IL22RA2: variants seen among roughly 807,000 people sequenced by gnomAD.
IL22RA2 encodes the protein interleukin-22 receptor subunit alpha-2.
A neutral mutation model predicts 30.7 loss-of-function variants in IL22RA2; 39 were observed. The ratio of observed to expected loss-of-function variants is 1.27; its 90% confidence interval spans 0.98 to 1.66. IL22RA2 has a LOEUF of 1.66. Among genes scored for constraint, IL22RA2 ranks in the 40% most tolerant of loss-of-function variants. IL22RA2 has a pLI of 0.00. For synonymous variants in IL22RA2, 103 were observed against 105.0 expected, an observed-to-expected ratio of 0.98 and a Z score of 0.11; for missense variants, 315 against 312.7, an observed-to-expected ratio of 1.01 and a Z score of -0.05.
In IL22RA2 at chr6:137,171,625, G is replaced by A. The variant is rs567520007; in HGVS notation, c.-66+1788C>T. 5.9e-5 allele frequency among the ~76,000 whole-genome samples: 9 copies of A among 152,302 alleles called. No individual in the cohort carries two copies. In the South Asian group the frequency reaches 1.5e-3, roughly 25 times the overall value. On this transcript the variant is annotated intron_variant, in intron 1 of 6. Transcript: ENST00000296980. The stretch of plus-strand genomic sequence containing the variant: ...CACCTGTGAACATTTCTAGACACTC[G>A]GGTGCCTGAGACTGTGAGGCCTTGG...
chr6:137,156,941 A>T, intron 3 of IL22RA2, 87 bp from the exon 4 acceptor site: 2 of 1,539,716 alleles, frequency 1.3e-6, no homozygotes, highest in Non-Finnish European at 1.8e-6. Flanking sequence ...CTCTCATAGA[A>T]ACATTTCCAT....
At chr6:137,165,948 C>A (rs945084340) in intron 1 of IL22RA2, among the ~76,000 whole-genome samples, 1 of 152,160 alleles carries the variant, frequency 6.6e-6, no homozygotes, top group African/African-American at 2.4e-5. Context: ...CCCTACCTAA[C>A]CTTGGAGACT....
intron 5 of IL22RA2, among the ~76,000 whole-genome samples, chr6:137,148,380 C>G (rs1778221902): frequency 1.3e-5 from 2 of 152,094 alleles, no homozygotes; most frequent in South Asian, 4.1e-4. Flanking sequence ...CCAGGCTAGT[C>G]TGACTTTTTA....
chr6:137,165,719 C>T (rs1437056223), intron 1 of IL22RA2, among the ~76,000 whole-genome samples: 2 of 152,134 alleles, frequency 1.3e-5, no homozygotes, highest in African/African-American at 4.8e-5. Context: ...GAGATTTCCT[C>T]CAGAAATTGC....
chr6:137,156,950 A>G (rs1778419885), intron 3 of IL22RA2, 96 bp from the exon 4 acceptor site: 1 of 1,516,654 alleles, frequency 6.6e-7, no homozygotes, highest in African/African-American at 1.4e-5. Context: ...AAACATTTCC[A>G]TGACAAATTC....
At chr6:137,164,035 T>C (rs952908956) in intron 1 of IL22RA2, among the ~76,000 whole-genome samples, 1 of 151,934 alleles carries the variant, frequency 6.6e-6, no homozygotes, top group Non-Finnish European at 1.5e-5. Flanking sequence ...CCTCCTGTAA[T>C]AGGACCCAGT....
chr6:137,160,573 C>T (rs140782837), intron 2 of IL22RA2, among the ~76,000 whole-genome samples: 34 of 152,322 alleles, frequency 2.2e-4, no homozygotes, highest in African/African-American at 8.2e-4. Flanking sequence ...TATACTTTAT[C>T]TTCTTCCTTC....
At chr6:137,167,567 C>A (rs958571721) in intron 1 of IL22RA2, among the ~76,000 whole-genome samples, 6 of 152,190 alleles carry the variant, frequency 3.9e-5, no homozygotes, top group African/African-American at 1.4e-4. Context: ...CTGTCTGGGT[C>A]AAACAATGGA....
At chr6:137,149,678 C>T (rs1332957710) in intron 5 of IL22RA2, among the ~76,000 whole-genome samples, 3 of 152,210 alleles carry the variant, frequency 2.0e-5, no homozygotes, top group Non-Finnish European at 4.4e-5. Context: ...ATGATCTTTT[C>T]TATACACAAG....
intron 5 of IL22RA2, 114 bp from the exon 6 acceptor site, chr6:137,148,005 C>A (rs1023322739): frequency 5.4e-6 from 5 of 933,180 alleles, no homozygotes; most frequent in African/African-American, 3.3e-5. Flanking sequence ...CCCAGGGAGG[C>A]CGAGGCTGCA....
In IL22RA2 at chr6:137,144,619, CT is replaced by C. The variant is rs771170443; in HGVS notation, c.*1004del. The C allele has an allele frequency of 2.2e-3, 334 of 152,376 alleles. 1 individual carries two copies. Among genetic ancestry groups the C allele is most frequent in the Non-Finnish European group, 3.2e-3 (217 of 68,080 alleles). 9.4% of individuals were successfully genotyped at this position (152,376 alleles called of 1,614,324 possible). On this transcript the variant is annotated 3_prime_UTR_variant, in exon 7 of 7. Transcript: ENST00000296980. ...CTAGCTCTATAGTCTCTGTAGGCAC[CT>C]ACCAACACCGGTCCTTCTCCTGCTA...
chr6:137,154,669 G>A (rs993404054), intron 5 of IL22RA2, among the ~76,000 whole-genome samples: 1 of 151,812 alleles, frequency 6.6e-6, no homozygotes, highest in Non-Finnish European at 1.5e-5. Context: ...ATGGAGTGGA[G>A]GCTCTGCAGT....
chr6:137,166,670 C>G (rs2114393985), intron 1 of IL22RA2, among the ~76,000 whole-genome samples: 1 of 152,330 alleles, frequency 6.6e-6, no homozygotes, highest in South Asian at 2.1e-4. Context: ...GTGGAAGTTA[C>G]CAGAAAGGAA....
Position 137,147,830 on chromosome 6 carries a change from G to T in IL22RA2, c.534C>A (p.Leu178=). 6.2e-7 allele frequency: 1 copy of T among 1,613,558 alleles called. No homozygotes were observed. The highest frequency in any genetic ancestry group is 8.5e-7 in the Non-Finnish European group (1 of 1,179,670). The change falls in exon 6 of 7, where the codon CTC becomes CTA. Residue 178 remains leucine, a synonymous_variant. Transcript: ENST00000296980. ...TQVNGSLLVI[L]HAPNLPYRYQ... is the part of the protein sequence containing the mutation. ...ATCTATATGGTAAATTTGGAGCATG[G>T]AGAATTACCAACAAAGAGCCATTGA...
At chr6:137,170,234 C>T (rs897208990) in intron 1 of IL22RA2, among the ~76,000 whole-genome samples, 4 of 152,040 alleles carry the variant, frequency 2.6e-5, no homozygotes, top group African/African-American at 9.7e-5. Context: ...ACATTTGTGT[C>T]GAGCACCAAA....
At position 137,155,194 on chromosome 6, in the gene IL22RA2, A is replaced by C. The variant is rs1266327780; in HGVS notation, c.294-75T>G. On this transcript the variant is annotated intron_variant, in intron 4 of 6. Coordinates refer to ENST00000296980, the MANE Select transcript of IL22RA2 (RefSeq NM_052962.3). ...AGTCTTCAGTATTTTCAGACTAATA[A>C]TTTTTTATACCTGATTCTAGTAGCA... is the stretch of plus-strand genomic sequence containing the variant. The C allele has an allele frequency of 7.3e-6, 8 of 1,090,228 alleles. No homozygotes were observed. The African/African-American group carries it at 1.3e-4, about 18-fold the overall frequency. 67.5% of individuals were successfully genotyped at this position (1,090,228 alleles called of 1,614,324 possible). A position where few individuals can be genotyped will look rare whatever the true frequency, so the allele number is the denominator to read the frequency against.
intron 5 of IL22RA2, among the ~76,000 whole-genome samples, chr6:137,152,250 A>C (rs989635134): frequency 1.1e-4 from 17 of 152,078 alleles, no homozygotes; most frequent in African/African-American, 3.9e-4. Context: ...AAAAAAACTC[A>C]CACTCAAAAA....
At chr6:137,157,128 A>G (rs1287222500) in intron 3 of IL22RA2, among the ~76,000 whole-genome samples, 2 of 152,158 alleles carry the variant, frequency 1.3e-5, no homozygotes, top group Non-Finnish European at 2.9e-5. Context: ...AACTCAAACC[A>G]TAGCAGCTTG....
rs1778133087 is a variant in IL22RA2, at chr6:137,144,439, T to G, written c.*1185A>C. On this transcript the variant is annotated 3_prime_UTR_variant, in exon 7 of 7. Transcript: ENST00000296980. ...GGAATTGTACAAATGTTCTCTGATA[T>G]GTATCTCCTCACTAGAAAGACAACC... The G allele has an allele frequency of 6.6e-6, 1 of 152,266 alleles. No homozygotes were observed. Among genetic ancestry groups the G allele is most frequent in the Non-Finnish European group, 1.5e-5 (1 of 68,048 alleles). 9.4% of individuals were successfully genotyped at this position (152,266 alleles called of 1,614,324 possible). A position where few individuals can be genotyped will look rare whatever the true frequency, so the allele number is the denominator to read the frequency against.
Sources: allele counts gnomAD v4.1 joint callset (sites outside exome capture counted in the v4.1 genomes callset), GRCh38; gene constraint gnomAD v4.1.1; transcripts MANE v1.5; gene names NCBI Gene and HGNC (gene_info 2026-07-23, HGNC 2026-07-21).